HSPA12A: variants seen among roughly 807,000 people sequenced by gnomAD.
HSPA12A encodes heat shock 70 kDa protein 12A.
HSPA12A carries 28 observed loss-of-function variants against 69.2 expected under a neutral mutation model. That is an observed-to-expected ratio of 0.40 (90% CI 0.30 to 0.55). The LOEUF (loss-of-function observed/expected upper bound fraction) is 0.55, where lower values mean the gene tolerates loss of function less well. Among genes scored for constraint, HSPA12A ranks in the 20% least tolerant of loss-of-function variants. HSPA12A has a pLI of 0.38. For synonymous variants in HSPA12A, 345 were observed against 370.5 expected (o/e 0.93, Z 0.79); for missense variants, 686 against 900.7 (o/e 0.76, Z 3.05).
intron 2 of HSPA12A, among the ~76,000 whole-genome samples, chr10:116,798,427 C>T (rs896052630): frequency 1.3e-5 from 2 of 152,182 alleles, no homozygotes; most frequent in Admixed American, 6.5e-5. Context: ...CTTAACCTCG[C>T]ATAACTTCAC....
upstream of HSPA12A, chr10:116,742,715 G>T (rs1317032788): frequency 5.4e-6 from 3 of 558,994 alleles, no homozygotes; most frequent in Non-Finnish European, 6.9e-6. Context: ...GCGGGGAACT[G>T]CCTGGCTCCG....
At chr10:116,744,681 G>A (rs1181935958), upstream of HSPA12A, among the ~76,000 whole-genome samples, 5 of 152,240 alleles carry the variant, frequency 3.3e-5, no homozygotes, top group Non-Finnish European at 4.4e-5. Flanking sequence ...TAATTACAAC[G>A]CGCCCTGCTG....
chr10:116,839,544 T>G (rs919161813), intron 1 of HSPA12A, among the ~76,000 whole-genome samples: 1 of 138,752 alleles, frequency 7.2e-6, no homozygotes, highest in Non-Finnish European at 1.5e-5. Context: ...TTGAAAGAGA[T>G]GCACTTTAGT....
At chr10:116,788,191 C>T (rs941780914) in intron 2 of HSPA12A, among the ~76,000 whole-genome samples, 3 of 152,196 alleles carry the variant, frequency 2.0e-5, no homozygotes, top group Non-Finnish European at 4.4e-5. Flanking sequence ...ATTCTAGACC[C>T]CCGCAAACGG....
At chr10:116,757,842 T>G (rs1181924876) in intron 2 of HSPA12A, among the ~76,000 whole-genome samples, 2 of 152,194 alleles carry the variant, frequency 1.3e-5, no homozygotes, top group East Asian at 3.9e-4. Flanking sequence ...GAGCGACCTA[T>G]TAGAATGGCC....
chr10:116,760,574 G>C (rs1169676171), intron 2 of HSPA12A, among the ~76,000 whole-genome samples: 1 of 152,152 alleles, frequency 6.6e-6, no homozygotes, highest in East Asian at 1.9e-4. Context: ...CACTGAACTC[G>C]GGGGTCCTAG....
At chr10:116,814,749 G>A (rs1291414667) in intron 2 of HSPA12A, among the ~76,000 whole-genome samples, 1 of 152,202 alleles carries the variant, frequency 6.6e-6, no homozygotes, top group Non-Finnish European at 1.5e-5. Flanking sequence ...CTGGGAATGA[G>A]TACCACGGAC....
At chr10:116,707,114 G>T in intron 2 of HSPA12A, 86 bp downstream of exon 2, 1 of 1,072,324 alleles carries the variant, frequency 9.3e-7, no homozygotes, top group Non-Finnish European at 1.3e-6. Context: ...GAATGCAAAG[G>T]AAGTCAGTAC....
intron 9 of HSPA12A, among the ~76,000 whole-genome samples, chr10:116,680,203 T>A (rs1211578834): frequency 6.6e-6 from 1 of 152,174 alleles, no homozygotes; most frequent in Non-Finnish European, 1.5e-5. Flanking sequence ...TTGGCCAGGC[T>A]GGTCTCAAAC....
intron 2 of HSPA12A, among the ~76,000 whole-genome samples, chr10:116,763,993 G>T (rs782218918): frequency 4.6e-5 from 7 of 151,900 alleles, no homozygotes; most frequent in Non-Finnish European, 8.8e-5. Flanking sequence ...TGCAACCTTT[G>T]GGGGGGTGTT....
intron 1 of HSPA12A, among the ~76,000 whole-genome samples, chr10:116,728,228 A>C (rs1457090361): frequency 1.3e-5 from 2 of 152,212 alleles, no homozygotes; most frequent in East Asian, 3.9e-4. Flanking sequence ...GATGTGAGCC[A>C]CTATGCCCAG....
In HSPA12A at chr10:116,696,002, C is replaced by CAAAAAAAAAAAA. The variant is rs71013609; in HGVS notation, c.546+2621_546+2632dup. Among the ~76,000 whole-genome samples the CAAAAAAAAAAAA allele has an allele frequency of 1.9e-3, 62 of 32,712 alleles. 4 individuals are homozygous for CAAAAAAAAAAAA. Among genetic ancestry groups the CAAAAAAAAAAAA allele is most frequent in the African/African-American group, 8.2e-3 (53 of 6,482 alleles). 21.5% of individuals were successfully genotyped at this position (32,712 alleles called of 152,430 possible). A position where few individuals can be genotyped will look rare whatever the true frequency, so the allele number is the denominator to read the frequency against. On this transcript the variant is annotated intron_variant, in intron 5 of 11. Coordinates refer to ENST00000369209, the MANE Select transcript of HSPA12A (RefSeq NM_025015.3). ...TGGGCAACAGAGAGAGACTCCATCT[C>CAAAAAAAAAAAA]AAAAAAAAAAAAAAAAAAAAAGGCT...
At chr10:116,687,146 T>A (rs1554879630) in intron 6 of HSPA12A, among the ~76,000 whole-genome samples, 1 of 152,182 alleles carries the variant, frequency 6.6e-6, no homozygotes, top group Non-Finnish European at 1.5e-5. Flanking sequence ...GCCCCAAGTC[T>A]GTGGAAAACA....
In HSPA12A at chr10:116,840,050, G is replaced by A. The variant is rs150816386; in HGVS notation, c.4-5028C>T. Among the ~76,000 whole-genome samples, 629 of 152,200 alleles carry A rather than the reference G, an allele frequency of 4.1e-3. 2 individuals are homozygous for A. Among genetic ancestry groups the A allele is most frequent in the African/African-American group, 0.014 (597 of 41,540 alleles). ...TTTTTAGTTAAAAACAAAACACATG[G>A]TGATTTTTATTTTGTTCTCATATAA... On this transcript the variant is annotated intron_variant, in intron 1 of 12. Coordinates refer to the HSPA12A transcript ENST00000635765.
intron 2 of HSPA12A, among the ~76,000 whole-genome samples, chr10:116,798,176 C>CGGTGGGGCGG (rs1844873677): frequency 4.9e-5 from 1 of 20,230 alleles, no homozygotes; most frequent in South Asian, 2.0e-3. Flanking sequence ...AGGGGCGGGG[C>CGGTGGGGCGG]GGTGGGGCGG....
chr10:116,683,475 C>T (rs1170065901), intron 7 of HSPA12A: 1 of 225,994 alleles, frequency 4.4e-6, no homozygotes, highest in Non-Finnish European at 8.6e-6. Context: ...TGTTAATACA[C>T]AAGAAAGATT....
At chr10:116,773,295 G>A (rs1436661843) in intron 2 of HSPA12A, among the ~76,000 whole-genome samples, 1 of 139,752 alleles carries the variant, frequency 7.2e-6, no homozygotes, top group Non-Finnish European at 1.6e-5. Flanking sequence ...AGTCCACTGA[G>A]CAGTACATGG....
intron 2 of HSPA12A, among the ~76,000 whole-genome samples, chr10:116,793,905 A>G (rs1589710164): frequency 6.6e-6 from 1 of 152,286 alleles, no homozygotes; most frequent in South Asian, 2.1e-4. Flanking sequence ...TACAATAAAC[A>G]TAAAGGGACC....
upstream of HSPA12A, among the ~76,000 whole-genome samples, chr10:116,744,280 C>T (rs1851598961): frequency 6.6e-6 from 1 of 152,238 alleles, no homozygotes; most frequent in Non-Finnish European, 1.5e-5. Context: ...AACCTAAGAA[C>T]TTCTCCTTCT....
Sources: gnomAD v4.1 joint callset for allele counts (sites outside exome capture counted in the v4.1 genomes callset) on GRCh38, gnomAD v4.1.1 for gene constraint, MANE v1.5 for transcripts, NCBI Gene and HGNC (gene_info 2026-07-23, HGNC 2026-07-21) for gene names.